HMGCLL1: variants seen among roughly 807,000 people sequenced by gnomAD.
HMGCLL1 encodes the protein 3-hydroxy-3-methylglutaryl-CoA lyase like 1, also known as 3-hydroxymethyl-3-methylglutaryl-CoA lyase, cytoplasmic.
A neutral mutation model predicts 39.1 loss-of-function variants in HMGCLL1; 36 were observed. The ratio of observed to expected loss-of-function variants is 0.92; its 90% CI spans 0.71 to 1.22. The LOEUF (loss-of-function observed/expected upper bound fraction) is 1.22, where lower values mean the gene tolerates loss of function less well. Ranked by LOEUF, HMGCLL1 falls within the 50% of genes most tolerant of loss-of-function variation. The probability of loss-of-function intolerance (pLI) is 0.00; values close to 1 mark genes in which losing one functional copy is unlikely to be tolerated. For missense variants in HMGCLL1, 451 were observed against 416.5 expected, an observed-to-expected ratio of 1.08 and a Z score of -0.72; for synonymous variants, 149 against 144.0, an observed-to-expected ratio of 1.03 and a Z score of -0.25.
In HMGCLL1 at chr6:55,439,557, C is replaced by T. The variant is rs141318879; in HGVS notation, c.798G>A (p.Met266Ile). The change falls in exon 8 of 9, where the codon ATG (methionine) becomes ATA (isoleucine). Residue 266 changes from methionine (M) to isoleucine (I), a missense_variant and splice_region_variant. Transcript: ENST00000274901. ...CTGCGGAGTCCACCACATTAATTCC[C>T]ATCTGGAAAACAAACCAAACCACCT... Reference protein sequence around the residue: ...ALANILTALQMGINVVDSAVS... With the variant: ...ALANILTALQIGINVVDSAVS... 3.7e-3 allele frequency: 5,939 copies of T among 1,611,416 alleles called. 11 individuals carry two copies. Among genetic ancestry groups the T allele is most frequent in the Non-Finnish European group, 4.6e-3 (5,394 of 1,178,358 alleles).
At chr6:55,612,699 G>A in the HMGCLL1 span, among the ~76,000 whole-genome samples, 1 of 152,142 alleles carries the variant, frequency 6.6e-6, no homozygotes, top group Non-Finnish European at 1.5e-5. Flanking sequence ...AAGCAATGGG[G>A]AAAGGATTCC....
the HMGCLL1 span, among the ~76,000 whole-genome samples, chr6:55,648,464 G>A: frequency 0.12 from 10,843 of 90,790 alleles, 922 homozygotes; most frequent in Non-Finnish European, 0.17. Flanking sequence ...TTGATAGACC[G>A]CTAGCAAGAC....
chr6:55,489,923 A>C (rs1242594541), intron 7 of HMGCLL1, among the ~76,000 whole-genome samples: 1 of 152,148 alleles, frequency 6.6e-6, no homozygotes, highest in African/African-American at 2.4e-5. Flanking sequence ...CAATTATCCC[A>C]ATATCGTATT....
chr6:55,462,772 C>T (rs940388687), intron 7 of HMGCLL1, among the ~76,000 whole-genome samples: 11 of 152,126 alleles, frequency 7.2e-5, no homozygotes, highest in Non-Finnish European at 1.5e-4. Context: ...GTAGGTATAA[C>T]TCACATATAT....
intron 1 of HMGCLL1, among the ~76,000 whole-genome samples, chr6:55,561,498 C>T (rs894567961): frequency 2.0e-5 from 3 of 152,062 alleles, no homozygotes; most frequent in African/African-American, 7.2e-5. Context: ...CCTGGGATCC[C>T]TCTCCAGAGA....
At chr6:55,673,173 A>T in the HMGCLL1 span, among the ~76,000 whole-genome samples, 2 of 151,992 alleles carry the variant, frequency 1.3e-5, no homozygotes, top group Non-Finnish European at 2.9e-5. Context: ...CCAACTCTGT[A>T]GGTGAGGTGT....
the HMGCLL1 span, among the ~76,000 whole-genome samples, chr6:55,647,208 A>G: frequency 6.6e-6 from 1 of 151,928 alleles, no homozygotes; most frequent in African/African-American, 2.4e-5. Flanking sequence ...GTGAGGCATA[A>G]CTATACTTAA....
intron 3 of HMGCLL1, among the ~76,000 whole-genome samples, chr6:55,530,355 T>A (rs1768593025): frequency 6.6e-6 from 1 of 151,634 alleles, no homozygotes; most frequent in Non-Finnish European, 1.5e-5. Flanking sequence ...TCCAAGACAT[T>A]TATAAAATAA....
At chr6:55,435,826 T>C (rs1281065557) in intron 8 of HMGCLL1, 63 bp from the exon 9 acceptor site, 8 of 789,712 alleles carry the variant, frequency 1.0e-5, no homozygotes, top group Admixed American at 8.7e-5. Flanking sequence ...AGATAAAACA[T>C]AGCCTTTTAA....
At chr6:55,611,378 C>T in the HMGCLL1 span, among the ~76,000 whole-genome samples, 1 of 152,002 alleles carries the variant, frequency 6.6e-6, no homozygotes, top group African/African-American at 2.4e-5. Context: ...CAAATTCTAC[C>T]AGAGGTAAAA....
chr6:55,435,495 A>C lies in HMGCLL1; in HGVS notation c.*167T>G, dbSNP rs1763333092. The C allele has an allele frequency of 2.5e-6, 1 of 397,898 alleles. No individual in the cohort carries two copies. The highest frequency in any genetic ancestry group is 4.5e-6 in the Non-Finnish European group (1 of 222,876). The allele number at this position is 397,898 out of a possible 1,614,324, so 24.6% of individuals were successfully genotyped here. On this transcript the variant is annotated 3_prime_UTR_variant, in exon 9 of 9. Coordinates refer to ENST00000274901, the MANE Select transcript of HMGCLL1 (RefSeq NM_001042406.2). ...CAATTTACCTGATGACTGATATTGC[A>C]TTTTGTTGACTTAATCTATCCAGTT...
chr6:55,666,258 C>A, the HMGCLL1 span, among the ~76,000 whole-genome samples: 1 of 151,700 alleles, frequency 6.6e-6, no homozygotes, highest in Non-Finnish European at 1.5e-5. Flanking sequence ...ACAGCATTAA[C>A]TAAACAGGAC....
At chr6:55,533,207 T>C (rs1768787226) in intron 3 of HMGCLL1, among the ~76,000 whole-genome samples, 1 of 151,782 alleles carries the variant, frequency 6.6e-6, no homozygotes, top group African/African-American at 2.4e-5. Flanking sequence ...GTGTCTAGGA[T>C]AGTATTCAGA....
chr6:55,629,045 A>C, the HMGCLL1 span, among the ~76,000 whole-genome samples: 1 of 152,136 alleles, frequency 6.6e-6, no homozygotes, highest in Non-Finnish European at 1.5e-5. Flanking sequence ...ATACCTAAAA[A>C]CGTGGAAGCG....
At chr6:55,622,352 T>C in the HMGCLL1 span, among the ~76,000 whole-genome samples, 2 of 152,078 alleles carry the variant, frequency 1.3e-5, no homozygotes, top group African/African-American at 4.8e-5. Flanking sequence ...GTTCCAGATC[T>C]TAGAGGAAAG....
intron 4 of HMGCLL1, among the ~76,000 whole-genome samples, chr6:55,515,411 G>T (rs1265574700): frequency 1.3e-5 from 2 of 152,002 alleles, no homozygotes; most frequent in Non-Finnish European, 2.9e-5. Flanking sequence ...CTATTTGTCT[G>T]TACTGTTTTT....
intron 3 of HMGCLL1, among the ~76,000 whole-genome samples, chr6:55,539,915 A>AAAGG: frequency 8.0e-6 from 1 of 124,410 alleles, no homozygotes; most frequent in African/African-American, 3.2e-5. Context: ...AGAAAGAAAG[A>AAAGG]AAGAAAAGGA....
chr6:55,589,604 G>A, the HMGCLL1 span, among the ~76,000 whole-genome samples: 1 of 152,294 alleles, frequency 6.6e-6, no homozygotes, highest in South Asian at 2.1e-4. Context: ...AAAAGAGGAA[G>A]TCAAGTTGTC....
At chr6:55,534,056 C>T (rs1327475679) in intron 3 of HMGCLL1, among the ~76,000 whole-genome samples, 1 of 152,008 alleles carries the variant, frequency 6.6e-6, no homozygotes, top group East Asian at 1.9e-4. Context: ...CTGTTTTCAA[C>T]ACCTCTTAAT....
Sources: allele counts gnomAD v4.1 joint callset (sites outside exome capture counted in the v4.1 genomes callset), GRCh38; gene constraint gnomAD v4.1.1; transcripts MANE v1.5; gene names NCBI Gene and HGNC (gene_info 2026-07-23, HGNC 2026-07-21).